Variants in ROR1 observed in about 807,000 individuals in gnomAD.
ROR1 encodes the protein inactive tyrosine-protein kinase transmembrane receptor ROR1.
A neutral mutation model predicts 78.8 loss-of-function variants in ROR1; 19 were observed. The observed-to-expected ratio is 0.24, with a 90% CI of 0.17 to 0.35. ROR1 has a LOEUF of 0.35. Among genes scored for constraint, ROR1 ranks in the 10% least tolerant of loss-of-function variants. ROR1 has a pLI of 1.00. For missense variants in ROR1, 917 were observed against 1,177.8 expected, an observed-to-expected ratio of 0.78 and a Z score of 3.24; for synonymous variants, 386 against 433.6, an observed-to-expected ratio of 0.89 and a Z score of 1.36.
At chr1:63,925,340 A>T (rs1199903650) in intron 1 of ROR1, among the ~76,000 whole-genome samples, 2 of 150,828 alleles carry the variant, frequency 1.3e-5, no homozygotes, top group Admixed American at 1.3e-4. Context: ...AAAGGACATG[A>T]ACTCATCATT....
intron 5 of ROR1, 111 bp from the exon 6 acceptor site, chr1:64,139,998 C>A: frequency 1.0e-6 from 1 of 992,778 alleles, no homozygotes. Context: ...TTGTCTGTTT[C>A]AGCACGGCGG....
At chr1:64,153,247 C>T (rs1569860439) in intron 7 of ROR1, among the ~76,000 whole-genome samples, 2 of 151,984 alleles carry the variant, frequency 1.3e-5, no homozygotes, top group African/African-American at 4.8e-5. Flanking sequence ...CATTAGAATG[C>T]ACTATTAAAA....
At chr1:63,992,332 C>T (rs1646303110) in intron 1 of ROR1, among the ~76,000 whole-genome samples, 1 of 151,908 alleles carries the variant, frequency 6.6e-6, no homozygotes, top group South Asian at 2.1e-4. Flanking sequence ...CTCAGCCTCC[C>T]GAGTAGCTGG....
intron 1 of ROR1, among the ~76,000 whole-genome samples, chr1:63,822,939 G>GT (rs1644931705): frequency 6.6e-6 from 1 of 151,904 alleles, no homozygotes; most frequent in Non-Finnish European, 1.5e-5. Context: ...TACCATAAAG[G>GT]TTACAGAAAT....
intron 4 of ROR1, among the ~76,000 whole-genome samples, chr1:64,065,924 C>T (rs1055678740): frequency 6.6e-6 from 1 of 152,186 alleles, no homozygotes; most frequent in Non-Finnish European, 1.5e-5. Context: ...CACCCTGTGC[C>T]TTTCAACCCG....
rs1449364901 is a variant in ROR1 at position 64,137,539 on chromosome 1, A to G, written c.610+43A>G. ...AATTATATTTGTCCCTTGAATAACT[A>G]TTTTTCTCGCCAAAAGTTTTATTGA... On this transcript the variant is annotated intron_variant, in intron 5 of 8. Coordinates refer to ENST00000371079, the MANE Select transcript of ROR1 (RefSeq NM_005012.4). 3.8e-6 allele frequency: 6 copies of G among 1,586,270 alleles called. No individual in the cohort carries two copies. In the African/African-American group the frequency reaches 8.1e-5, roughly 21 times the overall value.
intron 4 of ROR1, among the ~76,000 whole-genome samples, chr1:64,071,261 A>G (rs370433922): frequency 9.2e-5 from 14 of 152,152 alleles, no homozygotes; most frequent in Admixed American, 5.2e-4. Context: ...CTCATTTACA[A>G]TGGGAAGAGC....
intron 8 of ROR1, among the ~76,000 whole-genome samples, chr1:64,167,454 A>G (rs112223454): frequency 3.9e-4 from 59 of 152,230 alleles, no homozygotes; most frequent in African/African-American, 1.4e-3. Flanking sequence ...AACTCCCTCT[A>G]GAACTTGATT....
At position 63,818,554 on chromosome 1, in the gene ROR1, G is replaced by A. The variant is rs183859668; in HGVS notation, c.91+44046G>A. ...TCTGTTCCTTTGATTGATGGCAATGGCCTGATGGGAAGTAATTCACAAAAC... is the reference window on the plus strand; with the variant it reads ...TCTGTTCCTTTGATTGATGGCAATGACCTGATGGGAAGTAATTCACAAAAC... On this transcript the variant is annotated intron_variant, in intron 1 of 8. Transcript: ENST00000371079. Among the ~76,000 whole-genome samples the A allele has an allele frequency of 9.9e-5, 15 of 152,240 alleles. No individual in the cohort carries two copies. In the East Asian group the frequency reaches 2.9e-3, roughly 29 times the overall value.
At chr1:63,998,542 C>T (rs1029289572) in intron 1 of ROR1, among the ~76,000 whole-genome samples, 3 of 152,134 alleles carry the variant, frequency 2.0e-5, no homozygotes, top group African/African-American at 7.2e-5. Context: ...TCTAAACACA[C>T]AGGTTGGAGC....
At chr1:64,145,408 T>G (rs1292722683) in intron 7 of ROR1, among the ~76,000 whole-genome samples, 1 of 152,252 alleles carries the variant, frequency 6.6e-6, no homozygotes, top group East Asian at 1.9e-4. Context: ...ATTTTGTTCC[T>G]ACCTGTTACT....
chr1:64,083,867 A>T (rs1000525403), intron 4 of ROR1, among the ~76,000 whole-genome samples: 11 of 152,200 alleles, frequency 7.2e-5, no homozygotes, highest in Non-Finnish European at 4.4e-5. Flanking sequence ...GAGAGTGGAG[A>T]TGATCAGGAA....
At chr1:64,098,070 A>C (rs983996524) in intron 4 of ROR1, among the ~76,000 whole-genome samples, 12 of 152,148 alleles carry the variant, frequency 7.9e-5, no homozygotes, top group African/African-American at 2.9e-4. Flanking sequence ...GTCACAAATC[A>C]ATATTTCTGC....
rs1650483921 is a variant in ROR1 at position 64,179,148 on chromosome 1, T to A, written c.*293T>A. ...TCGAGCACTGAAAGCTGCAAACCAG[T>A]GAAGAGGAAAAGAACCTTGTGATTA... On this transcript the variant is annotated 3_prime_UTR_variant, in exon 9 of 9. Coordinates refer to ENST00000371079, the MANE Select transcript of ROR1 (RefSeq NM_005012.4). 1 of 286,760 alleles carries A rather than the reference T, an allele frequency of 3.5e-6. No individual in the cohort carries two copies. Among genetic ancestry groups the A allele is most frequent in the Non-Finnish European group, 6.5e-6 (1 of 154,634 alleles). 17.8% of individuals were successfully genotyped at this position (286,760 alleles called of 1,614,324 possible).
intron 1 of ROR1, among the ~76,000 whole-genome samples, chr1:63,805,885 G>A (rs1040814562): frequency 2.6e-5 from 4 of 152,174 alleles, no homozygotes; most frequent in Admixed American, 6.5e-5. Flanking sequence ...CTGGTGCAGT[G>A]GAATGCACCT....
intron 1 of ROR1, among the ~76,000 whole-genome samples, chr1:63,799,643 G>GTT (rs58126335): frequency 1.4e-5 from 2 of 147,402 alleles, no homozygotes; most frequent in African/African-American, 4.9e-5. Context: ...TTCCTCTCCT[G>GTT]TTTTTTTTTT....
At chr1:64,170,583 G>A (rs1056260760) in intron 8 of ROR1, among the ~76,000 whole-genome samples, 1 of 152,110 alleles carries the variant, frequency 6.6e-6, no homozygotes, top group Admixed American at 6.5e-5. Flanking sequence ...TTAACATTTG[G>A]CTTCTCATTA....
chr1:63,916,215 A>G (rs553225628), intron 1 of ROR1, among the ~76,000 whole-genome samples: 1 of 152,330 alleles, frequency 6.6e-6, no homozygotes, highest in East Asian at 1.9e-4. Flanking sequence ...ATGAACAATA[A>G]CTGCAAAATG....
chr1:64,128,034 G>T (rs1338778847), intron 4 of ROR1, among the ~76,000 whole-genome samples: 1 of 152,138 alleles, frequency 6.6e-6, no homozygotes, highest in Admixed American at 6.5e-5. Context: ...GGTGGGACCT[G>T]AGCCATGAGG....
Sources: allele counts gnomAD v4.1 joint callset (sites outside exome capture counted in the v4.1 genomes callset), GRCh38; gene constraint gnomAD v4.1.1; transcripts MANE v1.5; gene names NCBI Gene and HGNC (gene_info 2026-07-23, HGNC 2026-07-21).